Variants in RSU1 observed in about 807,000 individuals in gnomAD.
RSU1 encodes rsu-1.
RSU1 carries 26 observed loss-of-function variants against 31.1 expected under a neutral mutation model. That is an observed-to-expected ratio of 0.84 (90% CI 0.61 to 1.16). The LOEUF is 1.16. RSU1 is among the 50% of genes most tolerant of loss of function. RSU1 has a pLI of 0.00. For synonymous variants in RSU1, 164 were observed against 136.3 expected (o/e 1.20, Z -1.41); for missense variants, 320 against 339.1 (o/e 0.94, Z 0.44).
intron 2 of RSU1, among the ~76,000 whole-genome samples, chr10:16,813,635 G>A (rs760750172): frequency 3.3e-5 from 5 of 152,220 alleles, no homozygotes; most frequent in Non-Finnish European, 7.3e-5. Flanking sequence ...GAGAGGTTAA[G>A]TAGCTTCTCT....
chr10:16,648,109 T>C (rs1269970643), intron 8 of RSU1, among the ~76,000 whole-genome samples: 1 of 141,812 alleles, frequency 7.1e-6, no homozygotes, highest in African/African-American at 2.9e-5. Context: ...CCATTGTGCC[T>C]GGCTAATTTA....
chr10:16,776,331 A>C (rs79692574), intron 3 of RSU1, among the ~76,000 whole-genome samples: 1,551 of 152,348 alleles, frequency 0.01, 58 homozygotes, highest in East Asian at 0.072. Context: ...ATCAATGTAT[A>C]CATCTGCATA....
chr10:16,716,857 C>G (rs1836152323), intron 7 of RSU1, among the ~76,000 whole-genome samples: 2 of 152,140 alleles, frequency 1.3e-5, no homozygotes, highest in Non-Finnish European at 2.9e-5. Context: ...CAAACAAATA[C>G]AGACTGATTT....
Position 16,702,491 on chromosome 10 carries a change from C to T in RSU1, c.599-7336G>A, listed in dbSNP as rs560144753. ...GCCATCCAGGGCTTTGGAAGGCCAT[C>T]TCTTGAATTAGAGTGCCCTAAATGT... On this transcript the variant is annotated intron_variant, in intron 7 of 8. Transcript: ENST00000345264. 2.0e-5 allele frequency among the ~76,000 whole-genome samples: 3 copies of T among 152,326 alleles called. No homozygotes were observed. The South Asian group carries it at 6.2e-4, about 32-fold the overall frequency.
intron 8 of RSU1, among the ~76,000 whole-genome samples, chr10:16,653,250 A>G (rs555525529): frequency 3.6e-4 from 55 of 152,346 alleles, no homozygotes; most frequent in Non-Finnish European, 3.5e-4. Flanking sequence ...CAGGCTATTA[A>G]CACTATCTCC....
intron 7 of RSU1, among the ~76,000 whole-genome samples, chr10:16,698,056 A>G (rs895949350): frequency 1.5e-5 from 2 of 130,958 alleles, no homozygotes; most frequent in African/African-American, 6.1e-5. Context: ...GAAGTCAGCT[A>G]CATTTGGGCA....
intron 3 of RSU1, among the ~76,000 whole-genome samples, chr10:16,773,884 T>TA (rs1359936949): frequency 6.7e-6 from 1 of 149,644 alleles, no homozygotes; most frequent in East Asian, 2.2e-4. Context: ...ATCAGTTTTT[T>TA]TAAAAAAATC....
At chr10:16,803,029 C>A (rs755868574) in intron 2 of RSU1, among the ~76,000 whole-genome samples, 1 of 152,026 alleles carries the variant, frequency 6.6e-6, no homozygotes, top group African/African-American at 2.4e-5. Context: ...TCCTTGTTAA[C>A]GCAGTAAGGT....
chr10:16,726,262 C>A (rs7069573), intron 7 of RSU1, among the ~76,000 whole-genome samples: 79 of 145,928 alleles, frequency 5.4e-4, no homozygotes, highest in African/African-American at 1.9e-3. Flanking sequence ...ATCTTAGGAA[C>A]GTATCTTTTT....
Position 16,695,008 on chromosome 10 carries a change from TCA to T in RSU1, c.731+13_731+14del, listed in dbSNP as rs757776219. 29 of 1,598,148 alleles carry T rather than the reference TCA, an allele frequency of 1.8e-5. No homozygotes were observed. Among genetic ancestry groups the T allele is most frequent in the Non-Finnish European group, 2.5e-5 (29 of 1,173,350 alleles). On this transcript the variant is annotated intron_variant, in intron 8 of 8. Transcript: ENST00000345264. ...AATCACAGTCTACTATTTCAGAAAA[TCA>T]GAGTCTACTTACTATTTGTATGTCT... is the stretch of plus-strand genomic sequence containing the variant.
chr10:16,740,718 A>G (rs1836732949), intron 7 of RSU1, among the ~76,000 whole-genome samples: 1 of 152,230 alleles, frequency 6.6e-6, no homozygotes, highest in Non-Finnish European at 1.5e-5. Context: ...CATATATAAT[A>G]GCAACAAAAG....
intron 8 of RSU1, among the ~76,000 whole-genome samples, chr10:16,688,217 A>C (rs1384211238): frequency 6.6e-6 from 1 of 152,216 alleles, no homozygotes; most frequent in Non-Finnish European, 1.5e-5. Flanking sequence ...AATACTGGTT[A>C]AATGCAACAT....
chr10:16,768,387 T>C (rs1021165794), intron 3 of RSU1, among the ~76,000 whole-genome samples: 3 of 152,226 alleles, frequency 2.0e-5, no homozygotes, highest in Non-Finnish European at 4.4e-5. Flanking sequence ...AGCTTAGTCA[T>C]GTAGAACTTC....
chr10:16,704,890 T>A (rs140578882), intron 7 of RSU1, among the ~76,000 whole-genome samples: 1,602 of 152,348 alleles, frequency 0.011, 29 homozygotes, highest in African/African-American at 0.035. Context: ...ATTTATCATT[T>A]TCATGATTTT....
At chr10:16,673,706 C>T (rs1835165918) in intron 8 of RSU1, among the ~76,000 whole-genome samples, 1 of 152,202 alleles carries the variant, frequency 6.6e-6, no homozygotes, top group South Asian at 2.1e-4. Context: ...TCCTGCAGCA[C>T]ACAGATGCTT....
At chr10:16,734,864 A>C (rs925092333) in intron 7 of RSU1, among the ~76,000 whole-genome samples, 4 of 152,206 alleles carry the variant, frequency 2.6e-5, no homozygotes, top group Non-Finnish European at 5.9e-5. Context: ...AAATGAGGTC[A>C]TATGAGTGGA....
At chr10:16,642,556 T>C (rs1834463920) in intron 8 of RSU1, among the ~76,000 whole-genome samples, 1 of 152,222 alleles carries the variant, frequency 6.6e-6, no homozygotes, top group African/African-American at 2.4e-5. Flanking sequence ...ATGGCATGTC[T>C]TTTAATATGG....
chr10:16,616,387 A>C (rs1833977638), intron 8 of RSU1, among the ~76,000 whole-genome samples: 1 of 134,944 alleles, frequency 7.4e-6, no homozygotes. Flanking sequence ...AAAAAAAAAA[A>C]AAAAAAAACC....
intron 2 of RSU1, among the ~76,000 whole-genome samples, chr10:16,799,950 G>A (rs894902972): frequency 2.6e-5 from 4 of 152,198 alleles, no homozygotes; most frequent in South Asian, 2.1e-4. Context: ...CCCTTTTCCC[G>A]ATGCCTTCTC....
Sources: gnomAD v4.1 joint callset for allele counts (sites outside exome capture counted in the v4.1 genomes callset) on GRCh38, gnomAD v4.1.1 for gene constraint, MANE v1.5 for transcripts, NCBI Gene and HGNC (gene_info 2026-07-23, HGNC 2026-07-21) for gene names.